The following MLLT3 variants were observed in gnomAD, a reference collection of about 807,000 sequenced individuals.
MLLT3 encodes protein AF-9.
MLLT3 carries 4 observed loss-of-function variants against 53.2 expected under a neutral mutation model. The observed-to-expected ratio is 0.08, with a 90% CI of 0.04 to 0.17. The LOEUF (loss-of-function observed/expected upper bound fraction) is 0.17, where lower values mean the gene tolerates loss of function less well. MLLT3 is among the 10% of genes least tolerant of loss of function. The probability of loss-of-function intolerance (pLI) is 1.00; values close to 1 mark genes in which losing one functional copy is unlikely to be tolerated. For synonymous variants in MLLT3, 283 were observed against 230.6 expected (o/e 1.23, Z -2.06); for missense variants, 569 against 684.0 (o/e 0.83, Z 1.87).
At chr9:20,489,217 T>C (rs192478848) in intron 2 of MLLT3, among the ~76,000 whole-genome samples, 68 of 152,244 alleles carry the variant, frequency 4.5e-4, no homozygotes, top group African/African-American at 1.5e-3. Flanking sequence ...AGAAAGAATA[T>C]TGGAAAAATA....
At chr9:20,515,995 G>A (rs1563796624) in intron 2 of MLLT3, among the ~76,000 whole-genome samples, 1 of 152,174 alleles carries the variant, frequency 6.6e-6, no homozygotes, top group Non-Finnish European at 1.5e-5. Context: ...TATATTGTGT[G>A]CCATGGGAGC....
intron 2 of MLLT3, among the ~76,000 whole-genome samples, chr9:20,482,830 C>A (rs6475435): frequency 0.75 from 114,610 of 152,034 alleles, 43,561 homozygotes; most frequent in Middle Eastern, 0.86. Flanking sequence ...ACACCCACAC[C>A]TCTGTCCTTG....
intron 2 of MLLT3, among the ~76,000 whole-genome samples, chr9:20,599,596 GA>G (rs1490589773): frequency 6.6e-6 from 1 of 152,116 alleles, no homozygotes; most frequent in Non-Finnish European, 1.5e-5. Context: ...CCTAAAAGTA[GA>G]GATATGACCT....
At position 20,622,248 on chromosome 9, in the gene MLLT3, G is replaced by C; in HGVS notation, c.9C>G (p.Ser3Arg). 1 of 1,601,546 alleles carries C rather than the reference G, an allele frequency of 6.2e-7. No individual in the cohort carries two copies. The highest frequency in any genetic ancestry group is 8.5e-7 in the Non-Finnish European group (1 of 1,173,312). Residue 3 changes from serine to arginine, a missense_variant, in exon 1 of 11, where the codon AGC becomes AGG. By Grantham distance (110) the Ser-to-Arg change is moderately radical. Coordinates refer to ENST00000380338, the MANE Select transcript of MLLT3 (RefSeq NM_004529.4). The part of the protein sequence containing the change: MA[S>R]SCAVQVKLEL... ...TATTATTTTTGCGCGTACTTACCGAGCTAGCCATGCCTGGGGGCCCGGAGG... is the reference window on the plus strand; with the variant it reads ...TATTATTTTTGCGCGTACTTACCGACCTAGCCATGCCTGGGGGCCCGGAGG...
chr9:20,576,209 T>A (rs753642157), intron 2 of MLLT3, among the ~76,000 whole-genome samples: 1 of 152,232 alleles, frequency 6.6e-6, no homozygotes, highest in African/African-American at 2.4e-5. Flanking sequence ...TGAAGACAGT[T>A]AAGGCCTTGC....
At position 20,448,734 on chromosome 9, in the gene MLLT3, C is replaced by G. The variant is rs986711021; in HGVS notation, c.277-468G>C. Among the ~76,000 whole-genome samples the G allele has an allele frequency of 4.6e-5, 7 of 152,196 alleles. No individual in the cohort carries two copies. Among genetic ancestry groups the G allele is most frequent in the African/African-American group, 1.7e-4 (7 of 41,460 alleles). On this transcript the variant is annotated intron_variant, in intron 3 of 10. Transcript: ENST00000380338. The surrounding 1 kb of genome is among the most constrained non-coding windows in gnomAD (Gnocchi z 4.0). ...TATTCTCTTCAATTCCTCCTCCATT[C>G]AGGCCTTAAGATTATCTATATGAAA...
At chr9:20,385,235 T>C (rs1822005381) in intron 5 of MLLT3, among the ~76,000 whole-genome samples, 1 of 152,116 alleles carries the variant, frequency 6.6e-6, no homozygotes, top group Non-Finnish European at 1.5e-5. Flanking sequence ...ATAGTATAAT[T>C]AGTCACGTTC....
At chr9:20,552,905 GT>G (rs1236158918) in intron 2 of MLLT3, among the ~76,000 whole-genome samples, 1 of 152,010 alleles carries the variant, frequency 6.6e-6, no homozygotes, top group Admixed American at 6.6e-5. Flanking sequence ...CAACCTAAAT[GT>G]TTTTTATATG....
chr9:20,359,471 G>A (rs1821263229), intron 8 of MLLT3, among the ~76,000 whole-genome samples: 1 of 152,216 alleles, frequency 6.6e-6, no homozygotes, highest in Non-Finnish European at 1.5e-5. Flanking sequence ...AAGAGATAAT[G>A]AGGCTGGACT....
chr9:20,406,836 T>C (rs1043213134), intron 5 of MLLT3, among the ~76,000 whole-genome samples: 2 of 152,216 alleles, frequency 1.3e-5, no homozygotes, highest in Non-Finnish European at 1.5e-5. Flanking sequence ...TGCTTCTCCA[T>C]ATTATCCTGC....
chr9:20,436,560 G>A (rs1188909463), intron 4 of MLLT3, among the ~76,000 whole-genome samples: 1 of 152,110 alleles, frequency 6.6e-6, no homozygotes, highest in African/African-American at 2.4e-5. Flanking sequence ...AAGTGGCCCT[G>A]GGGATTTTTA....
At chr9:20,350,312 G>T (rs903099911) in intron 10 of MLLT3, among the ~76,000 whole-genome samples, 1 of 152,016 alleles carries the variant, frequency 6.6e-6, no homozygotes, top group East Asian at 1.9e-4. Context: ...AGAAAAACAG[G>T]CGGCCGGGCG....
chr9:20,482,236 T>TA (rs1007157166), intron 2 of MLLT3, among the ~76,000 whole-genome samples: 2 of 152,318 alleles, frequency 1.3e-5, no homozygotes, highest in Admixed American at 6.5e-5. Flanking sequence ...TCACACATTC[T>TA]AAAAGTCCAC....
At chr9:20,509,488 G>C (rs137995250) in intron 2 of MLLT3, among the ~76,000 whole-genome samples, 1 of 152,128 alleles carries the variant, frequency 6.6e-6, no homozygotes, top group Non-Finnish European at 1.5e-5. Flanking sequence ...TTGAGTAAGA[G>C]GTGGCCCTTT....
chr9:20,485,017 G>A (rs1824771758), intron 2 of MLLT3, among the ~76,000 whole-genome samples: 1 of 150,648 alleles, frequency 6.6e-6, no homozygotes, highest in African/African-American at 2.4e-5. Context: ...GAGACAGAGT[G>A]TCTCTCTGTT....
At chr9:20,581,358 T>C (rs1819788741) in intron 2 of MLLT3, among the ~76,000 whole-genome samples, 2 of 152,184 alleles carry the variant, frequency 1.3e-5, no homozygotes, top group African/African-American at 4.8e-5. Flanking sequence ...TTTAGAAATT[T>C]AATTTACATA....
rs1294763973 is a variant in MLLT3, at chr9:20,375,977, C to T, written c.1126-10233G>A. 3.3e-5 allele frequency among the ~76,000 whole-genome samples: 5 copies of T among 152,206 alleles called. No individual in the cohort carries two copies. The South Asian group carries it at 8.3e-4, about 25-fold the overall frequency. On this transcript the variant is annotated intron_variant, in intron 5 of 10. Coordinates refer to ENST00000380338, the MANE Select transcript of MLLT3 (RefSeq NM_004529.4). Reference sequence around the variant, plus strand: ...ACTGCCCTAATCCTCTTGAGACTGGCATTAATAGGACCAATGAGCACATCA... The same window carrying T: ...ACTGCCCTAATCCTCTTGAGACTGGTATTAATAGGACCAATGAGCACATCA...
chr9:20,565,954 TTATATATATATATTTATATATA>T (rs58417778), intron 2 of MLLT3, among the ~76,000 whole-genome samples: 3 of 34,696 alleles, frequency 8.6e-5, no homozygotes, highest in Admixed American at 3.8e-4. Context: ...ATATATATAT[TTATATATATATATTTATATATA>T]TATATATTTA....
intron 6 of MLLT3, 28 bp downstream of exon 6, chr9:20,365,641 T>A: frequency 1.2e-6 from 2 of 1,613,708 alleles, no homozygotes; most frequent in Non-Finnish European, 1.7e-6. Flanking sequence ...GAGAAAAGCA[T>A]CTCCTAGTTT....
Sources: allele counts gnomAD v4.1 joint callset (sites outside exome capture counted in the v4.1 genomes callset), GRCh38; gene constraint gnomAD v4.1.1; non-coding constraint Gnocchi (gnomAD v3.1); transcripts MANE v1.5; gene names NCBI Gene and HGNC (gene_info 2026-07-23, HGNC 2026-07-21).